The following DNHD1 variants were observed in gnomAD, a reference collection of about 807,000 sequenced individuals.
The protein encoded by DNHD1 is dynein heavy chain domain-containing protein 1.
Under a neutral mutation model 458.1 loss-of-function variants are expected in DNHD1, and 383 were observed. The ratio of observed to expected loss-of-function variants is 0.84; its 90% confidence interval spans 0.77 to 0.91. The LOEUF (loss-of-function observed/expected upper bound fraction) is 0.91. DNHD1 is among the 40% of genes least tolerant of loss of function. The pLI is 0.00. For missense variants in DNHD1, 5,336 were observed against 5,866.1 expected (o/e 0.91, Z 2.95); for synonymous variants, 2,203 against 2,376.9 (o/e 0.93, Z 2.13).
At chr11:6,554,311 A>G (rs966201045) in intron 24 of DNHD1, among the ~76,000 whole-genome samples, 2 of 152,172 alleles carry the variant, frequency 1.3e-5, no homozygotes, top group Non-Finnish European at 2.9e-5. Context: ...TTCTACCTCA[A>G]AATCTAGATA....
chr11:6,568,623 G>A (rs1258013038), intron 38 of DNHD1, 42 bp from the exon 39 acceptor site: 1 of 1,613,774 alleles, frequency 6.2e-7, no homozygotes, highest in Non-Finnish European at 8.5e-7. Flanking sequence ...AAGTGGGAGG[G>A]CAACTGTGCT....
rs1199805578 is a variant in DNHD1, at chr11:6,558,516, C to T, written c.9034C>T (p.Leu3012=). 2 of 1,551,610 alleles carry T rather than the reference C, an allele frequency of 1.3e-6. No individual in the cohort carries two copies. Among genetic ancestry groups the T allele is most frequent in the Non-Finnish European group, 1.7e-6 (2 of 1,147,012 alleles). The change falls in exon 26 of 43, where the codon CTG becomes TTG. Residue 3012 remains leucine, a synonymous_variant. Transcript: ENST00000254579. ...FHQQVCSHLH[L]FFLIGDKQAH... ...CCAGCAAGTGTGCAGCCACCTTCACCTGTTCTTCCTGATTGGAGATAAACA... is the reference window on the plus strand; with the variant it reads ...CCAGCAAGTGTGCAGCCACCTTCACTTGTTCTTCCTGATTGGAGATAAACA...
Position 6,568,130 on chromosome 11 carries a change from A to G in DNHD1, c.12426A>G (p.Leu4142=), listed in dbSNP as rs1230297945. The change falls in exon 37 of 43, where the codon CTA becomes CTG. Residue 4142 remains leucine, a synonymous_variant. Transcript: ENST00000254579. ...WDPVSVVVST[L]SQAMYEGHWL... Reference sequence around the variant, plus strand: ...CAGTCTCAGTTGTGGTCAGCACTCTATCCCAGGCTATGTATGAGGGGCACT... The same window carrying G: ...CAGTCTCAGTTGTGGTCAGCACTCTGTCCCAGGCTATGTATGAGGGGCACT... 1.3e-6 allele frequency: 2 copies of G among 1,563,074 alleles called. No homozygotes were observed. The highest frequency in any genetic ancestry group is 1.9e-5 in the Admixed American group (1 of 52,690).
chr11:6,558,393 G>A (rs963047838), intron 25 of DNHD1, 92 bp from the exon 26 acceptor site: 11 of 1,535,580 alleles, frequency 7.2e-6, no homozygotes, highest in Middle Eastern at 1.8e-4. Flanking sequence ...TGAGGGCTGA[G>A]AAGATTGGGG....
intron 3 of DNHD1, among the ~76,000 whole-genome samples, chr11:6,500,084 C>T (rs1210992750): frequency 6.6e-6 from 1 of 152,050 alleles, no homozygotes; most frequent in African/African-American, 2.4e-5. Context: ...TTTGCCTCAG[C>T]CTCCCGAGTA....
rs1409294642 is a variant in DNHD1, at chr11:6,570,762, T to C, written c.13250T>C (p.Leu4417Pro). The change falls in exon 42 of 43, where the codon CTG becomes CCG. Residue 4417 changes from leucine (L) to proline (P), a missense_variant. This residue lies in a region of DNHD1 where 698 missense variants were observed against 664.9 expected (regional missense o/e 1.05). Transcript: ENST00000254579. ...RRQSRALLSA[L>P]QRSSPVWVPE... is the part of the protein sequence containing the mutation. ...CAGAGTCGCGCTCTCTTGAGTGCGC[T>C]GCAGCGGAGTTCACCCGTGTGGGTT... 4 of 1,612,688 alleles carry C rather than the reference T, an allele frequency of 2.5e-6. No homozygotes were observed. The highest frequency in any genetic ancestry group is 3.4e-6 in the Non-Finnish European group (4 of 1,179,412).
rs767579359 is a variant in DNHD1, at chr11:6,546,751, A to G, written c.5812A>G (p.Ser1938Gly). The G allele has an allele frequency of 5.8e-6, 9 of 1,551,650 alleles. No individual in the cohort carries two copies. Among genetic ancestry groups the G allele is most frequent in the South Asian group, 3.6e-5 (3 of 84,070 alleles). The change falls in exon 21 of 43, where the codon AGC becomes GGC. Residue 1938 changes from serine (S) to glycine (G), a missense_variant. Coordinates refer to ENST00000254579, the MANE Select transcript of DNHD1 (RefSeq NM_144666.3). ...LRGLLCALFP[S>G]ASQVLAEPMT... ...AGGGCTGTTGTGTGCGCTTTTCCCT[A>G]GCGCCAGCCAAGTGCTGGCAGAACC...
chr11:6,531,502 A>ACTGGT (rs1852827742), intron 12 of DNHD1, among the ~76,000 whole-genome samples: 1 of 151,176 alleles, frequency 6.6e-6, no homozygotes, highest in African/African-American at 2.4e-5. Flanking sequence ...GCCTGTTGCT[A>ACTGGT]CTGGTCCAAA....
rs1564824977 is a variant in DNHD1, at chr11:6,568,533, T to C, written c.12618T>C (p.Arg4206=). 3.1e-6 allele frequency: 5 copies of C among 1,613,986 alleles called. No individual in the cohort carries two copies. The East Asian group carries it at 6.7e-5, about 22-fold the overall frequency. The change falls in exon 38 of 43, where the codon CGT becomes CGC. Residue 4206 remains arginine, a synonymous_variant. Coordinates refer to ENST00000254579, the MANE Select transcript of DNHD1 (RefSeq NM_144666.3). ...RNVSTVHRDF[R]LWLIVPAESS... The stretch of plus-strand genomic sequence containing the variant: ...TAAGCACTGTTCACAGAGATTTTCG[T>C]CTTTGGCTTATTGTGCCTGCAGAGT...
intron 3 of DNHD1, among the ~76,000 whole-genome samples, chr11:6,499,390 T>C (rs1852092848): frequency 2.0e-5 from 3 of 152,150 alleles, no homozygotes; most frequent in Non-Finnish European, 4.4e-5. Flanking sequence ...CCCTGGGGAA[T>C]GTGTGTCCGA....
chr11:6,502,475 T>G (rs1003316513), intron 3 of DNHD1, among the ~76,000 whole-genome samples: 3 of 152,236 alleles, frequency 2.0e-5, no homozygotes, highest in African/African-American at 7.2e-5. Flanking sequence ...GTAATTCCAA[T>G]CAATCCAGAA....
At chr11:6,569,862 G>T (rs1026112678) in intron 39 of DNHD1, 147 bp from the exon 40 acceptor site, 1 of 636,158 alleles carries the variant, frequency 1.6e-6, no homozygotes, top group Non-Finnish European at 2.7e-6. Flanking sequence ...GGGAAATGAT[G>T]ATTTCAGTTG....
rs979618651 is a variant in DNHD1, at chr11:6,563,781, C to T, written c.9941C>T (p.Ala3314Val). Reference sequence around the variant, plus strand: ...CTGAAGGCTCCAGGTATGGACGATGCAGCCCTGCGGGCAGTGAGCCGACCT... The same window carrying T: ...CTGAAGGCTCCAGGTATGGACGATGTAGCCCTGCGGGCAGTGAGCCGACCT... ...LILKAPGMDD[A>V]ALRAVSRPAA... Residue 3314 changes from alanine to valine, a missense_variant, in exon 31 of 43, where the codon GCA becomes GTA. By Grantham distance (64) the Ala-to-Val change is moderately conservative. Around this residue, in one of 4 missense-constraint regions of DNHD1, gnomAD observed 3,932 missense variants for 4,365.6 expected, o/e 0.90. Coordinates refer to ENST00000254579, the MANE Select transcript of DNHD1 (RefSeq NM_144666.3). The T allele has an allele frequency of 6.4e-7, 1 of 1,551,500 alleles. No homozygotes were observed. The highest frequency in any genetic ancestry group is 8.7e-7 in the Non-Finnish European group (1 of 1,146,996).
Position 6,498,902 on chromosome 11 carries a change from G to T in DNHD1, c.687G>T (p.Arg229=). 6.2e-7 allele frequency: 1 copy of T among 1,613,560 alleles called. No homozygotes were observed. ...PLALAADIPV[R]YESSDTDNAE... The stretch of plus-strand genomic sequence containing the variant: ...CACTGGCAGCGGACATCCCTGTACG[G>T]TATGAAAGCAGTGACACTGACAATG... Residue 229 remains arginine, a synonymous_variant, in exon 3 of 43, where the codon CGG becomes CGT. Transcript: ENST00000254579.
At position 6,568,674 on chromosome 11, in the gene DNHD1, C is replaced by T; in HGVS notation, c.12671C>T (p.Thr4224Ile). The T allele has an allele frequency of 6.2e-7, 1 of 1,613,988 alleles. No homozygotes were observed. Among genetic ancestry groups the T allele is most frequent in the Non-Finnish European group, 8.5e-7 (1 of 1,179,884 alleles). ...TCTCCTTCCTCCCCAGCTGTGCTGA[C>T]TCAGCACTCCATGCCTGTTTTCTGG... ...ESSASLPAVL[T>I]QHSMPVFWNQ... The change falls in exon 39 of 43, where the codon ACT becomes ATT. Residue 4224 changes from threonine to isoleucine, a missense_variant. Transcript: ENST00000254579.
chr11:6,509,052 A>C lies in DNHD1; in HGVS notation c.1093A>C (p.Lys365Gln), dbSNP rs1403833079. Residue 365 changes from lysine to glutamine, a missense_variant, in exon 5 of 43, where the codon AAG (lysine) becomes CAG (glutamine). By Grantham distance (53) the Lys-to-Gln change is moderately conservative (BLOSUM62 1). Transcript: ENST00000254579. ...WQQLQFIPFFKYCLLRKSFTC... is the reference protein window; with the variant it reads ...WQQLQFIPFFQYCLLRKSFTC... ...GCAGCTCCAGTTCATTCCATTCTTT[A>C]AGTATTGCCTCTTACGCAAGTCCTT... The C allele has an allele frequency of 6.2e-7, 1 of 1,614,160 alleles. No individual in the cohort carries two copies. Among genetic ancestry groups the C allele is most frequent in the East Asian group, 2.2e-5 (1 of 44,880 alleles).
Position 6,498,930 on chromosome 11 carries a change from G to A in DNHD1, c.715G>A (p.Glu239Lys), listed in dbSNP as rs757658550. Residue 239 changes from glutamate (E) to lysine (K), a missense_variant, in exon 3 of 43, where the codon GAG becomes AAG. Glu to Lys is a moderately conservative substitution (Grantham distance 56). Around this residue, in one of 4 missense-constraint regions of DNHD1, gnomAD observed 3,932 missense variants for 4,365.6 expected, o/e 0.90. Transcript: ENST00000254579. ...TGAAAGCAGTGACACTGACAATGCA[G>A]AGGTGGAGCCTGTTGGAAGAAAAGA... ...RYESSDTDNA[E>K]VEPVGRKETR... The A allele has an allele frequency of 6.2e-7, 1 of 1,611,682 alleles. No homozygotes were observed. The highest frequency in any genetic ancestry group is 1.7e-5 in the Admixed American group (1 of 59,762).
At chr11:6,517,652 C>CTTTTTTTTTTTT (rs59300977) in intron 7 of DNHD1, among the ~76,000 whole-genome samples, 3 of 59,066 alleles carry the variant, frequency 5.1e-5, no homozygotes, top group African/African-American at 1.1e-4. Flanking sequence ...TCTAGGACTT[C>CTTTTTTTTTTTT]TTTTTTTTTT....
In DNHD1 at chr11:6,557,263, C is replaced by T. The variant is rs754715223; in HGVS notation, c.7968C>T (p.Cys2656=). The part of the protein sequence containing the change: ...LWLHEAQRTF[C]DRLDSPRERS... ...TGCATGAGGCACAGAGAACCTTTTGCGACCGGCTGGACAGCCCCAGGGAAC... is the reference window on the plus strand; with the variant it reads ...TGCATGAGGCACAGAGAACCTTTTGTGACCGGCTGGACAGCCCCAGGGAAC... The change falls in exon 25 of 43, where the codon TGC becomes TGT. Residue 2656 remains cysteine (C), a synonymous_variant. Transcript: ENST00000254579. 36 of 1,551,526 alleles carry T rather than the reference C, an allele frequency of 2.3e-5. No individual in the cohort carries two copies. The African/African-American group carries it at 2.5e-4, about 11-fold the overall frequency.
Sources: allele counts gnomAD v4.1 joint callset (sites outside exome capture counted in the v4.1 genomes callset), GRCh38; gene constraint gnomAD v4.1.1; regional missense constraint gnomAD v4.1.1; transcripts MANE v1.5; gene names NCBI Gene and HGNC (gene_info 2026-07-23, HGNC 2026-07-21).